The following NXF1 variants were observed in gnomAD, a reference collection of about 807,000 sequenced individuals.
NXF1 encodes nuclear RNA export factor 1.
A neutral mutation model predicts 92.4 loss-of-function variants in NXF1; 43 were observed. The observed-to-expected ratio is 0.47, with a 90% CI of 0.36 to 0.60. The LOEUF (loss-of-function observed/expected upper bound fraction) is 0.60, where lower values mean the gene tolerates loss of function less well. Ranked by LOEUF, NXF1 falls within the 20% of genes least tolerant of loss-of-function variation. The probability of loss-of-function intolerance (pLI) is 0.00; values close to 1 mark genes in which losing one functional copy is unlikely to be tolerated. For missense variants in NXF1, 576 were observed against 793.0 expected, an observed-to-expected ratio of 0.73 and a Z score of 3.29; for synonymous variants, 288 against 292.2, an observed-to-expected ratio of 0.99 and a Z score of 0.15.
intron 3 of NXF1, among the ~76,000 whole-genome samples, chr11:62,802,719 G>C (rs754417161): frequency 1.3e-5 from 2 of 152,092 alleles, no homozygotes; most frequent in African/African-American, 2.4e-5. Flanking sequence ...TTACAGGCAT[G>C]AGCCACTGTA....
At chr11:62,794,913 A>G in intron 18 of NXF1, 22 bp downstream of exon 18, 1 of 1,611,390 alleles carries the variant, frequency 6.2e-7, no homozygotes, top group Non-Finnish European at 8.5e-7. Context: ...CTGGTATCCA[A>G]TGCGAAAAGC....
intron 15 of NXF1, 25 bp from the exon 16 acceptor site, chr11:62,796,206 T>C: frequency 6.2e-7 from 1 of 1,613,092 alleles, no homozygotes; most frequent in Non-Finnish European, 8.5e-7. Context: ...GAAAGCTCAG[T>C]GGTGCTGCCA....
Position 62,792,677 on chromosome 11 carries a change from G to A in NXF1, c.1785C>T (p.Asp595=). The change falls in exon 20 of 21, where the codon GAC becomes GAT. Residue 595 remains aspartate, a synonymous_variant. Transcript: ENST00000294172. ...TGAAGGCCTGGGCAGATCTGGTGTAGTCCCAGTTGTTGTCCTGAAGGCACC... is the reference window on the plus strand; with the variant it reads ...TGAAGGCCTGGGCAGATCTGGTGTAATCCCAGTTGTTGTCCTGAAGGCACC... The part of the protein sequence containing the change: ...SQKCLQDNNW[D]YTRSAQAFTH... The A allele has an allele frequency of 1.2e-6, 2 of 1,614,184 alleles. No homozygotes were observed. The highest frequency in any genetic ancestry group is 1.7e-6 in the Non-Finnish European group (2 of 1,180,042).
chr11:62,803,125 C>T (rs2084497898), intron 3 of NXF1, among the ~76,000 whole-genome samples: 1 of 152,012 alleles, frequency 6.6e-6, no homozygotes, highest in Admixed American at 6.6e-5. Flanking sequence ...TCGAGACCAG[C>T]CTGGCCAATA....
chr11:62,794,719 G>A, intron 18 of NXF1: 1 of 590,482 alleles, frequency 1.7e-6, no homozygotes, highest in Non-Finnish European at 3.0e-6. Flanking sequence ...AGATGAGGCA[G>A]CAGCCTACTT....
intron 3 of NXF1, among the ~76,000 whole-genome samples, chr11:62,802,851 C>T (rs1004843661): frequency 2.6e-5 from 4 of 152,178 alleles, no homozygotes; most frequent in African/African-American, 9.7e-5. Context: ...CCAGGGACTC[C>T]AAGCCCCACA....
intron 11 of NXF1, among the ~76,000 whole-genome samples, chr11:62,797,672 C>T (rs2084435073): frequency 6.6e-6 from 1 of 152,150 alleles, no homozygotes; most frequent in Admixed American, 6.6e-5. Flanking sequence ...TGCCACTGCA[C>T]TCCAGCCTGG....
chr11:62,799,098 A>G lies in NXF1; in HGVS notation c.1017-523T>C, dbSNP rs962271387. ...AAGAAAGGAAAAGGAGGAAAAAGAG[A>G]AAAAGGCAAGATGGGGCAGGGGCAA... is the stretch of plus-strand genomic sequence containing the variant. On this transcript the variant is annotated intron_variant, in intron 10 of 20. Coordinates refer to ENST00000294172, the MANE Select transcript of NXF1 (RefSeq NM_006362.5). 1.2e-5 allele frequency: 12 copies of G among 987,418 alleles called. No individual in the cohort carries two copies. In the African/African-American group the frequency reaches 2.1e-4, roughly 17 times the overall value. 61.2% of individuals were successfully genotyped at this position (987,418 alleles called of 1,614,324 possible).
At chr11:62,798,505 T>C in intron 11 of NXF1, 34 bp downstream of exon 11, 2 of 1,612,498 alleles carry the variant, frequency 1.2e-6, no homozygotes, top group Non-Finnish European at 1.7e-6. Flanking sequence ...TGAGAGATGC[T>C]GTGCTTGTTA....
chr11:62,792,379 G>T lies in NXF1; in HGVS notation c.*97C>A. Reference sequence around the variant, plus strand: ...CCTCCCTCGGTCACAGTCACGGGGCGGCCTCGGGCCAGACAGGAGGAGATG... The same window carrying T: ...CCTCCCTCGGTCACAGTCACGGGGCTGCCTCGGGCCAGACAGGAGGAGATG... On this transcript the variant is annotated 3_prime_UTR_variant, in exon 21 of 21. Coordinates refer to ENST00000294172, the MANE Select transcript of NXF1 (RefSeq NM_006362.5). 1 of 1,461,086 alleles carries T rather than the reference G, an allele frequency of 6.8e-7. No individual in the cohort carries two copies. The highest frequency in any genetic ancestry group is 9.6e-7 in the Non-Finnish European group (1 of 1,042,246). The allele number at this position is 1,461,086 out of a possible 1,614,324, so 90.5% of individuals were successfully genotyped here. A position where few individuals can be genotyped will look rare whatever the true frequency, so the allele number is the denominator to read the frequency against.
chr11:62,795,649 C>T (rs1311309779), intron 17 of NXF1, among the ~76,000 whole-genome samples: 2 of 152,096 alleles, frequency 1.3e-5, no homozygotes, highest in Non-Finnish European at 2.9e-5. Flanking sequence ...TGTCCACAGC[C>T]CCGCACAACC....
intron 10 of NXF1, 84 bp from the exon 11 acceptor site, chr11:62,798,659 G>C (rs775115710): frequency 3.5e-5 from 56 of 1,594,758 alleles, no homozygotes; most frequent in Middle Eastern, 1.7e-4. Flanking sequence ...TACCAAACCC[G>C]AGGGACAGCC....
Position 62,803,878 on chromosome 11 carries a change from G to A in NXF1, c.129C>T (p.Gly43=), listed in dbSNP as rs745574134. Residue 43 remains glycine (G), a synonymous_variant, in exon 2 of 21, where the codon GGC becomes GGT. Coordinates refer to ENST00000294172, the MANE Select transcript of NXF1 (RefSeq NM_006362.5). ...YGEGNRRSGR[G]GSGIRSSRLE... ...GGCGGGAAGACCGAATACCAGAACCGCCTCTTCCAGACCTACGGTTTCCTT... is the reference window on the plus strand; with the variant it reads ...GGCGGGAAGACCGAATACCAGAACCACCTCTTCCAGACCTACGGTTTCCTT... 21 of 1,614,010 alleles carry A rather than the reference G, an allele frequency of 1.3e-5. No individual in the cohort carries two copies. The highest frequency in any genetic ancestry group is 6.7e-5 in the Admixed American group (4 of 60,000).
chr11:62,794,164 CCAAAAAAAAAA>C (rs2084396979), intron 19 of NXF1, 83 bp downstream of exon 19: 5 of 1,209,708 alleles, frequency 4.1e-6, no homozygotes, highest in South Asian at 3.0e-5. Context: ...GAACTTGTCT[CCAAAAAAAAAA>C]CAAAAAAACT....
At chr11:62,798,944 T>C in intron 10 of NXF1, 1 of 1,063,458 alleles carries the variant, frequency 9.4e-7, no homozygotes, top group Non-Finnish European at 1.1e-6. Context: ...CTCCGCTGCC[T>C]CACCAGGTAT....
At chr11:62,804,073 G>T (rs2134782716) in intron 1 of NXF1, 95 bp from the exon 2 acceptor site, 1 of 1,597,832 alleles carries the variant, frequency 6.3e-7, no homozygotes, top group Non-Finnish European at 8.5e-7. Flanking sequence ...TATTGGAAGA[G>T]ATACATACTA....
intron 18 of NXF1, chr11:62,794,720 C>A: frequency 1.7e-6 from 1 of 590,538 alleles, no homozygotes. Flanking sequence ...GATGAGGCAG[C>A]AGCCTACTTG....
Position 62,805,434 on chromosome 11 carries a change from C to A in NXF1, c.-78G>T. On this transcript the variant is annotated 5_prime_UTR_variant, in exon 1 of 21. Coordinates refer to ENST00000294172, the MANE Select transcript of NXF1 (RefSeq NM_006362.5). The stretch of plus-strand genomic sequence containing the variant: ...CAACCTAACTCCCAAGCGCTCAGGA[C>A]CGAAGTGTCCCTACGCCGGGCGCCA... The A allele has an allele frequency of 2.5e-6, 4 of 1,592,828 alleles. No individual in the cohort carries two copies. The highest frequency in any genetic ancestry group is 3.4e-6 in the Non-Finnish European group (4 of 1,167,678).
At position 62,803,864 on chromosome 11, in the gene NXF1, C is replaced by T. The variant is rs1210515429; in HGVS notation, c.143G>A (p.Arg48Gln). The part of the protein sequence containing the change: ...RRSGRGGSGI[R>Q]SSRLEEDDGD... ...ATCATCTTCCTCAAGGCGGGAAGACCGAATACCAGAACCGCCTCTTCCAGA... is the reference window on the plus strand; with the variant it reads ...ATCATCTTCCTCAAGGCGGGAAGACTGAATACCAGAACCGCCTCTTCCAGA... Residue 48 changes from arginine (R) to glutamine (Q), a missense_variant, in exon 2 of 21, where the codon CGG (arginine) becomes CAG (glutamine). Physicochemically the swap from Arg to Gln is conservative, Grantham distance 43 (BLOSUM62 1). Coordinates refer to ENST00000294172, the MANE Select transcript of NXF1 (RefSeq NM_006362.5). 5.6e-6 allele frequency: 9 copies of T among 1,614,062 alleles called. No homozygotes were observed. The highest frequency in any genetic ancestry group is 2.2e-5 in the South Asian group (2 of 91,086).
Sources: gnomAD v4.1 joint callset for allele counts (sites outside exome capture counted in the v4.1 genomes callset) on GRCh38, gnomAD v4.1.1 for gene constraint, MANE v1.5 for transcripts, NCBI Gene and HGNC (gene_info 2026-07-23, HGNC 2026-07-21) for gene names.